DAP: variants seen among roughly 807,000 people sequenced by gnomAD.
DAP encodes death associated protein.
DAP carries 8 observed loss-of-function variants against 13.8 expected under a neutral mutation model. The observed-to-expected ratio is 0.58, with a 90% CI of 0.34 to 1.05. DAP has a LOEUF of 1.05. Ranked by LOEUF, DAP falls within the 50% of genes least tolerant of loss-of-function variation. The probability of loss-of-function intolerance (pLI) is 0.03; values close to 1 mark genes in which losing one functional copy is unlikely to be tolerated. For synonymous variants in DAP, 47 were observed against 47.5 expected (o/e 0.99, Z 0.04); for missense variants, 106 against 133.2 (o/e 0.80, Z 1.01).
At chr5:10,708,408 A>G (rs1341369268) in intron 2 of DAP, among the ~76,000 whole-genome samples, 1 of 150,770 alleles carries the variant, frequency 6.6e-6, no homozygotes, top group African/African-American at 2.4e-5. Flanking sequence ...GCAGACACAT[A>G]CACGCACACA....
At chr5:10,692,678 G>A (rs1394205453) in intron 2 of DAP, among the ~76,000 whole-genome samples, 1 of 152,080 alleles carries the variant, frequency 6.6e-6, no homozygotes, top group Non-Finnish European at 1.5e-5. Flanking sequence ...GCCTAGAACT[G>A]TACGCGACAC....
At chr5:10,723,420 G>A (rs1318352852) in intron 2 of DAP, among the ~76,000 whole-genome samples, 1 of 152,220 alleles carries the variant, frequency 6.6e-6, no homozygotes, top group Non-Finnish European at 1.5e-5. Context: ...TTTGCAGCAC[G>A]ATGCCTTGTA....
rs534890128 is a variant in DAP, at chr5:10,683,652, A to G, written c.153-81T>C. The stretch of plus-strand genomic sequence containing the variant: ...ACGGTGGCAGACGATGTGTATGTGG[A>G]TGAGCCAGGCTGGAGGGCGTGGAGG... On this transcript the variant is annotated intron_variant, in intron 2 of 3. Coordinates refer to ENST00000230895, the MANE Select transcript of DAP (RefSeq NM_004394.3). The G allele has an allele frequency of 4.6e-4, 630 of 1,381,440 alleles. 6 individuals are homozygous for G. The South Asian group carries it at 6.9e-3, about 15-fold the overall frequency. The allele number at this position is 1,381,440 out of a possible 1,614,324, so 85.6% of individuals were successfully genotyped here.
intron 2 of DAP, among the ~76,000 whole-genome samples, chr5:10,693,741 G>A (rs1344259124): frequency 6.6e-6 from 1 of 152,212 alleles, no homozygotes; most frequent in African/African-American, 2.4e-5. Context: ...ATATGATTTA[G>A]AGATGCAGAG....
intron 1 of DAP, among the ~76,000 whole-genome samples, chr5:10,760,578 T>C (rs1459202430): frequency 3.3e-5 from 5 of 152,258 alleles, no homozygotes; most frequent in Admixed American, 2.0e-4. Context: ...TGAGTCGGTA[T>C]GAAACGCTGG....
At chr5:10,735,148 C>T (rs1439238084) in intron 2 of DAP, among the ~76,000 whole-genome samples, 5 of 147,004 alleles carry the variant, frequency 3.4e-5, no homozygotes, top group East Asian at 2.0e-4. Flanking sequence ...TTTAAGCTAA[C>T]TTTTACAAAA....
chr5:10,741,006 TG>T (rs1739739521), intron 2 of DAP, among the ~76,000 whole-genome samples: 1 of 152,238 alleles, frequency 6.6e-6, no homozygotes, highest in African/African-American at 2.4e-5. Flanking sequence ...TAGAGCTGAC[TG>T]TTCACATGTC....
intron 2 of DAP, among the ~76,000 whole-genome samples, chr5:10,684,806 C>T (rs1738115559): frequency 1.3e-5 from 2 of 152,146 alleles, no homozygotes; most frequent in African/African-American, 4.8e-5. Context: ...ATGCCTCCAC[C>T]AAGAGGTACA....
intron 2 of DAP, among the ~76,000 whole-genome samples, chr5:10,687,253 A>G (rs1431778012): frequency 6.6e-6 from 1 of 152,248 alleles, no homozygotes; most frequent in African/African-American, 2.4e-5. Flanking sequence ...CATGTCTGCT[A>G]AAACAACATT....
intron 1 of DAP, among the ~76,000 whole-genome samples, chr5:10,748,810 A>C (rs550309183): frequency 6.6e-6 from 1 of 152,350 alleles, no homozygotes; most frequent in East Asian, 1.9e-4. Context: ...ATGTTAACTT[A>C]GTTTTAAAAA....
intron 1 of DAP, among the ~76,000 whole-genome samples, chr5:10,759,375 C>T (rs1428378853): frequency 6.6e-6 from 1 of 152,134 alleles, no homozygotes; most frequent in Non-Finnish European, 1.5e-5. Context: ...GCGCTCCTCC[C>T]CACAGTGGAC....
intron 2 of DAP, among the ~76,000 whole-genome samples, chr5:10,688,969 G>A (rs780269263): frequency 6.6e-6 from 1 of 152,196 alleles, no homozygotes; most frequent in Non-Finnish European, 1.5e-5. Flanking sequence ...GGTCCCCTGT[G>A]TGCACTGAGG....
chr5:10,746,155 C>T (rs866046348), intron 2 of DAP, among the ~76,000 whole-genome samples: 17 of 152,240 alleles, frequency 1.1e-4, no homozygotes, highest in African/African-American at 3.6e-4. Context: ...GTTTTATTCT[C>T]CTAAAAGCAG....
intron 2 of DAP, among the ~76,000 whole-genome samples, chr5:10,723,124 A>T (rs978633054): frequency 6.6e-6 from 1 of 152,232 alleles, no homozygotes; most frequent in Non-Finnish European, 1.5e-5. Flanking sequence ...CCCTCTTGCC[A>T]TCACAGTCTC....
At chr5:10,701,609 G>T (rs1364502402) in intron 2 of DAP, among the ~76,000 whole-genome samples, 3 of 150,930 alleles carry the variant, frequency 2.0e-5, no homozygotes, top group South Asian at 2.1e-4. Context: ...GACGGGGGGC[G>T]GGGGGGCAGT....
At chr5:10,735,577 A>T (rs562116179) in intron 2 of DAP, among the ~76,000 whole-genome samples, 38 of 152,334 alleles carry the variant, frequency 2.5e-4, no homozygotes, top group Admixed American at 5.9e-4. Flanking sequence ...ATACTTTTAA[A>T]ATGAATACTC....
At chr5:10,758,172 T>A (rs1434364294) in intron 1 of DAP, among the ~76,000 whole-genome samples, 3 of 152,018 alleles carry the variant, frequency 2.0e-5, no homozygotes, top group African/African-American at 7.3e-5. Flanking sequence ...CTCTTGGCTA[T>A]CCTTGATGAT....
At chr5:10,734,113 C>T (rs1165352695) in intron 2 of DAP, 1 of 152,202 alleles carries the variant, frequency 6.6e-6, no homozygotes, top group African/African-American at 2.4e-5. Context: ...ACAAAGGAGC[C>T]TCCGTTCCAA....
At chr5:10,710,016 G>A (rs190143419) in intron 2 of DAP, among the ~76,000 whole-genome samples, 16 of 152,314 alleles carry the variant, frequency 1.1e-4, no homozygotes, top group East Asian at 5.8e-4. Flanking sequence ...GGCGCTGCTC[G>A]AGGCTGATTG....
Sources: gnomAD v4.1 joint callset for allele counts (sites outside exome capture counted in the v4.1 genomes callset) on GRCh38, gnomAD v4.1.1 for gene constraint, MANE v1.5 for transcripts, NCBI Gene and HGNC (gene_info 2026-07-23, HGNC 2026-07-21) for gene names.